The following GALNTL5 variants were observed in gnomAD, a reference collection of about 807,000 sequenced individuals.
The protein encoded by GALNTL5 is polypeptide N-acetylgalactosaminyltransferase like 5.
Under a neutral mutation model 51.0 loss-of-function variants are expected in GALNTL5, and 44 were observed. That is an observed-to-expected ratio of 0.86 (90% CI 0.68 to 1.11). The LOEUF is 1.11. Among genes scored for constraint, GALNTL5 ranks in the 50% least tolerant of loss-of-function variants. The probability of loss-of-function intolerance (pLI) is 0.00; values close to 1 mark genes in which losing one functional copy is unlikely to be tolerated. For synonymous variants in GALNTL5, 192 were observed against 182.8 expected (o/e 1.05, Z -0.41); for missense variants, 528 against 531.8 (o/e 0.99, Z 0.07).
intron 7 of GALNTL5, among the ~76,000 whole-genome samples, chr7:152,013,305 A>G (rs747926133): frequency 1.1e-4 from 16 of 152,000 alleles, no homozygotes; most frequent in African/African-American, 3.9e-4. Context: ...CATTTTACCC[A>G]TGTAACACGC....
At chr7:151,992,918 C>T (rs924346998) in intron 5 of GALNTL5, among the ~76,000 whole-genome samples, 2 of 152,132 alleles carry the variant, frequency 1.3e-5, no homozygotes, top group Non-Finnish European at 2.9e-5. Flanking sequence ...TCTCACCCCA[C>T]GCACACGCAT....
intron 5 of GALNTL5, among the ~76,000 whole-genome samples, chr7:151,990,592 A>AAAAAAAAAAAAAAAAAAAAAG: frequency 6.8e-6 from 1 of 147,174 alleles, no homozygotes; most frequent in African/African-American, 2.5e-5. Flanking sequence ...AAAAAAAAAA[A>AAAAAAAAAAAAAAAAAAAAAG]GCCCACTTTC....
intron 7 of GALNTL5, among the ~76,000 whole-genome samples, chr7:152,011,414 A>G (rs2081736608): frequency 6.6e-6 from 1 of 152,250 alleles, no homozygotes; most frequent in East Asian, 1.9e-4. Context: ...GCTGGCCTCA[A>G]ACAGCCCCAA....
chr7:151,961,575 T>A (rs959886321), intron 1 of GALNTL5, among the ~76,000 whole-genome samples: 1 of 152,098 alleles, frequency 6.6e-6, no homozygotes, highest in Non-Finnish European at 1.5e-5. Flanking sequence ...TGGGAGACAA[T>A]AGTAAATATT....
intron 1 of GALNTL5, among the ~76,000 whole-genome samples, chr7:151,962,749 C>T (rs180724524): frequency 8.4e-4 from 128 of 152,196 alleles, no homozygotes; most frequent in Admixed American, 1.9e-3. Context: ...GCTGGGATTA[C>T]AGGAGCCCAC....
In GALNTL5 at chr7:152,019,741, A is replaced by T. The variant is rs147674475; in HGVS notation, c.1272A>T (p.Ser424=). ...VELRKRLGCK[S]FQWYLDNVFP... is the part of the protein sequence containing the mutation. ...TAAGGAAACGACTGGGTTGCAAGTCATTTCAGTGGTATTTGGATAATGTCT... is the reference window on the plus strand; with the variant it reads ...TAAGGAAACGACTGGGTTGCAAGTCTTTTCAGTGGTATTTGGATAATGTCT... Residue 424 remains serine, a synonymous_variant, in exon 9 of 9, where the codon TCA becomes TCT. Coordinates refer to ENST00000392800, the MANE Select transcript of GALNTL5 (RefSeq NM_145292.4). 2.5e-4 allele frequency: 400 copies of T among 1,613,840 alleles called. No individual in the cohort carries two copies. The African/African-American group carries it at 4.9e-3, about 20-fold the overall frequency.
chr7:151,964,110 C>A (rs971721123), intron 1 of GALNTL5, among the ~76,000 whole-genome samples: 1 of 152,132 alleles, frequency 6.6e-6, no homozygotes, highest in Admixed American at 6.5e-5. Flanking sequence ...AGGTGGTTGC[C>A]TTCGCGCTGT....
intron 5 of GALNTL5, among the ~76,000 whole-genome samples, chr7:151,988,042 C>G (rs951600563): frequency 6.6e-6 from 1 of 152,202 alleles, no homozygotes; most frequent in Non-Finnish European, 1.5e-5. Context: ...TCAAATCCGT[C>G]CCCTGCAGCA....
At chr7:151,958,739 C>G (rs2080956637) in intron 1 of GALNTL5, among the ~76,000 whole-genome samples, 1 of 152,130 alleles carries the variant, frequency 6.6e-6, no homozygotes, top group East Asian at 1.9e-4. Flanking sequence ...CCTTTTGCAC[C>G]CATCATTCGG....
intron 5 of GALNTL5, 135 bp from the exon 6 acceptor site, chr7:152,002,579 A>C: frequency 1.2e-6 from 1 of 829,338 alleles, no homozygotes; most frequent in Non-Finnish European, 1.9e-6. Context: ...GTTTCCTTCC[A>C]ATGAAAATGA....
chr7:152,007,413 C>CTT (rs34271081), intron 6 of GALNTL5, among the ~76,000 whole-genome samples: 2,103 of 109,808 alleles, frequency 0.019, 11 homozygotes, highest in African/African-American at 0.024. Context: ...AATGTTTTCT[C>CTT]TTTTTTTTTT....
intron 3 of GALNTL5, among the ~76,000 whole-genome samples, chr7:151,975,573 C>T (rs894428960): frequency 6.6e-6 from 1 of 151,864 alleles, no homozygotes; most frequent in Non-Finnish European, 1.5e-5. Flanking sequence ...TATTTCTGCA[C>T]TTATCTTTGT....
At chr7:152,006,863 G>T (rs2081651289) in intron 6 of GALNTL5, among the ~76,000 whole-genome samples, 1 of 151,992 alleles carries the variant, frequency 6.6e-6, no homozygotes, top group Non-Finnish European at 1.5e-5. Context: ...AGCCTCCCAG[G>T]TTCAAGCGAT....
At chr7:151,980,078 A>G (rs1272690327) in intron 3 of GALNTL5, among the ~76,000 whole-genome samples, 1 of 151,916 alleles carries the variant, frequency 6.6e-6, no homozygotes, top group East Asian at 1.9e-4. Context: ...TCTCAACTCA[A>G]TGATCTTACT....
At chr7:151,969,586 T>G (rs186439191) in intron 2 of GALNTL5, among the ~76,000 whole-genome samples, 263 of 152,256 alleles carry the variant, frequency 1.7e-3, no homozygotes, top group African/African-American at 6.2e-3. Flanking sequence ...CTGAGTACTA[T>G]GAGGTCACCA....
At position 151,993,141 on chromosome 7, in the gene GALNTL5, G is replaced by GGA. The variant is rs375418338; in HGVS notation, c.658+5863_658+5864dup. On this transcript the variant is annotated intron_variant, in intron 5 of 8. Transcript: ENST00000392800. ...CATAGCTACTCAGGAGGCTGAGGCA[G>GGA]GAGAATTGCTTGAACCCAGGAGGTG... is the stretch of plus-strand genomic sequence containing the variant. Among the ~76,000 whole-genome samples the GGA allele has an allele frequency of 1.8e-4, 27 of 152,010 alleles. 1 individual carries two copies. Among genetic ancestry groups the GGA allele is most frequent in the African/African-American group, 6.3e-4 (26 of 41,460 alleles).
intron 1 of GALNTL5, among the ~76,000 whole-genome samples, chr7:151,964,561 C>T (rs772284422): frequency 1.3e-5 from 2 of 152,152 alleles, no homozygotes; most frequent in East Asian, 1.9e-4. Context: ...CTTGCTCCTC[C>T]TTGCCTTCCA....
intron 5 of GALNTL5, among the ~76,000 whole-genome samples, chr7:151,990,818 G>T (rs1365550255): frequency 6.6e-6 from 1 of 152,042 alleles, no homozygotes; most frequent in Non-Finnish European, 1.5e-5. Flanking sequence ...CTGGGTTGAA[G>T]AGCCTCCGCC....
At chr7:152,009,412 G>A (rs1471845054) in intron 7 of GALNTL5, among the ~76,000 whole-genome samples, 1 of 152,134 alleles carries the variant, frequency 6.6e-6, no homozygotes, top group Non-Finnish European at 1.5e-5. Context: ...TGTCTTTTCT[G>A]GAAGTTTTCT....
Sources: allele counts gnomAD v4.1 joint callset (sites outside exome capture counted in the v4.1 genomes callset), GRCh38; gene constraint gnomAD v4.1.1; transcripts MANE v1.5; gene names NCBI Gene and HGNC (gene_info 2026-07-23, HGNC 2026-07-21).